The following NLK variants were observed in gnomAD, a reference collection of about 807,000 sequenced individuals.
NLK encodes nemo like kinase, also known as serine/threonine-protein kinase NLK.
NLK carries 11 observed loss-of-function variants against 59.0 expected under a neutral mutation model. The ratio of observed to expected loss-of-function variants is 0.19; its 90% CI spans 0.12 to 0.31. The LOEUF (loss-of-function observed/expected upper bound fraction) is 0.31. Among genes scored for constraint, NLK ranks in the 10% least tolerant of loss-of-function variants. NLK has a pLI of 1.00. For missense variants in NLK, 410 were observed against 661.1 expected (o/e 0.62, Z 4.16); for synonymous variants, 235 against 235.9 (o/e 1.00, Z 0.03).
At chr17:28,138,266 A>G (rs908387564) in intron 3 of NLK, among the ~76,000 whole-genome samples, 16 of 152,236 alleles carry the variant, frequency 1.1e-4, no homozygotes, top group African/African-American at 2.4e-4. Flanking sequence ...TTAGCATTCT[A>G]TGAAGACGAA....
chr17:28,100,003 C>A (rs186775491), intron 1 of NLK, among the ~76,000 whole-genome samples: 1 of 152,310 alleles, frequency 6.6e-6, no homozygotes, highest in East Asian at 1.9e-4. Flanking sequence ...GTGTGTTCAT[C>A]ACTTGATTAG....
chr17:28,144,023 C>G (rs1907127612), intron 3 of NLK, among the ~76,000 whole-genome samples: 1 of 152,066 alleles, frequency 6.6e-6, no homozygotes, highest in Non-Finnish European at 1.5e-5. Context: ...CTTTATTTTT[C>G]TTCTTTTTTT....
chr17:28,130,061 A>G (rs1397079935), intron 2 of NLK, among the ~76,000 whole-genome samples: 1 of 152,140 alleles, frequency 6.6e-6, no homozygotes, highest in Non-Finnish European at 1.5e-5. Flanking sequence ...GTCTGCTTGT[A>G]TTTTTTTGTA....
intron 8 of NLK, among the ~76,000 whole-genome samples, chr17:28,186,804 G>C (rs998751842): frequency 1.3e-5 from 2 of 152,174 alleles, no homozygotes; most frequent in Non-Finnish European, 2.9e-5. Context: ...TGAGATTTGG[G>C]TGGGGACACA....
intron 3 of NLK, among the ~76,000 whole-genome samples, chr17:28,151,846 A>G (rs1907493463): frequency 6.6e-6 from 1 of 152,238 alleles, no homozygotes; most frequent in Admixed American, 6.5e-5. Flanking sequence ...AGATAGTGAC[A>G]TAAGTGATGT....
chr17:28,111,884 GTGTGTGTGTGTGGTGTGTGT>G (rs1905502125), intron 1 of NLK, among the ~76,000 whole-genome samples: 1 of 127,668 alleles, frequency 7.8e-6, no homozygotes, highest in Non-Finnish European at 1.6e-5. Context: ...GTGTGTGTGT[GTGTGTGTGTGTGGTGTGTGT>G]GTGTGTGTGT....
At chr17:28,063,952 C>T (rs1909746851) in intron 1 of NLK, among the ~76,000 whole-genome samples, 1 of 152,142 alleles carries the variant, frequency 6.6e-6, no homozygotes, top group South Asian at 2.1e-4. Context: ...GTTTAAATAG[C>T]TGTGATTTCA....
chr17:28,197,752 T>C (rs1909520186), downstream of NLK, among the ~76,000 whole-genome samples: 1 of 152,088 alleles, frequency 6.6e-6, no homozygotes, highest in African/African-American at 2.4e-5. Context: ...CTCTATGGTA[T>C]GTTATTTAAA....
intron 2 of NLK, among the ~76,000 whole-genome samples, chr17:28,123,935 G>GA (rs981769425): frequency 1.6e-4 from 25 of 151,942 alleles, no homozygotes; most frequent in Admixed American, 3.9e-4. Context: ...AAACTTATCA[G>GA]AAAAAAAATT....
intron 1 of NLK, among the ~76,000 whole-genome samples, chr17:28,104,320 T>C (rs1392528711): frequency 2.6e-5 from 4 of 152,212 alleles, no homozygotes; most frequent in Non-Finnish European, 5.9e-5. Context: ...AGTGGTGCAA[T>C]CTCGGCTCAC....
intron 2 of NLK, among the ~76,000 whole-genome samples, chr17:28,129,555 T>A (rs1196004901): frequency 6.6e-6 from 1 of 152,168 alleles, no homozygotes; most frequent in African/African-American, 2.4e-5. Context: ...TACTCAGGAT[T>A]TGTATACCTT....
At chr17:28,055,223 G>A (rs779256916) in intron 1 of NLK, among the ~76,000 whole-genome samples, 1 of 151,498 alleles carries the variant, frequency 6.6e-6, no homozygotes, top group South Asian at 2.1e-4. Flanking sequence ...TTCCCGAGTA[G>A]CTGGGACTAC....
At chr17:28,130,795 A>G (rs1906484813) in intron 2 of NLK, among the ~76,000 whole-genome samples, 1 of 152,210 alleles carries the variant, frequency 6.6e-6, no homozygotes, top group Non-Finnish European at 1.5e-5. Context: ...GTTGTCAAAT[A>G]TTCATGTTAA....
intron 1 of NLK, among the ~76,000 whole-genome samples, chr17:28,047,330 A>G (rs1018485791): frequency 4.6e-5 from 7 of 152,222 alleles, no homozygotes; most frequent in African/African-American, 1.4e-4. Context: ...GCATGACTCT[A>G]AATAACGTAG....
the NLK span, among the ~76,000 whole-genome samples, chr17:28,203,164 T>TACACACACACACACACACACACAC: frequency 2.1e-3 from 291 of 137,000 alleles, 3 homozygotes; most frequent in African/African-American, 5.3e-3. Context: ...TATACATACA[T>TACACACACACACACACACACACAC]ACACACACAC....
chr17:28,162,923 A>AAAAAAAAGAAAAG (rs560596861), intron 4 of NLK, among the ~76,000 whole-genome samples: 1 of 151,908 alleles, frequency 6.6e-6, no homozygotes, highest in Non-Finnish European at 1.5e-5. Context: ...TGTCTCAAAA[A>AAAAAAAAGAAAAG]AAAAAAAGAA....
At chr17:28,067,213 G>A (rs1381434259) in intron 1 of NLK, among the ~76,000 whole-genome samples, 3 of 152,186 alleles carry the variant, frequency 2.0e-5, no homozygotes, top group African/African-American at 7.2e-5. Flanking sequence ...TCTAAAAGTT[G>A]TATAGTTTAA....
chr17:28,094,656 G>A (rs1036191682), intron 1 of NLK, among the ~76,000 whole-genome samples: 3 of 152,142 alleles, frequency 2.0e-5, no homozygotes, highest in Non-Finnish European at 4.4e-5. Flanking sequence ...GAGGTGGGTG[G>A]GTGGTGGGGA....
chr17:28,122,412 CCAAA>C (rs1322991141), intron 1 of NLK, among the ~76,000 whole-genome samples, 187 bp from the exon 2 acceptor site: 7 of 151,636 alleles, frequency 4.6e-5, no homozygotes, highest in Non-Finnish European at 1.0e-4. Flanking sequence ...AGTTGGGTGA[CCAAA>C]CATTCTCTTT....
Sources: allele counts gnomAD v4.1 joint callset (sites outside exome capture counted in the v4.1 genomes callset), GRCh38; gene constraint gnomAD v4.1.1; transcripts MANE v1.5; gene names NCBI Gene and HGNC (gene_info 2026-07-23, HGNC 2026-07-21).